CSMD2: variants seen among roughly 807,000 people sequenced by gnomAD.
The protein encoded by CSMD2 is CUB and Sushi multiple domains 2.
Under a neutral mutation model 398.5 loss-of-function variants are expected in CSMD2, and 130 were observed. The ratio of observed to expected loss-of-function variants is 0.33; its 90% CI spans 0.28 to 0.38. The LOEUF is 0.38. CSMD2 is among the 10% of genes least tolerant of loss of function. The pLI, the probability that CSMD2 is intolerant of heterozygous loss-of-function variation, is 1.00. For missense variants in CSMD2, 3,829 were observed against 4,764.9 expected, an observed-to-expected ratio of 0.80 and a Z score of 5.78; for synonymous variants, 1,828 against 1,908.5, an observed-to-expected ratio of 0.96 and a Z score of 1.10.
intron 3 of CSMD2, among the ~76,000 whole-genome samples, chr1:33,963,075 G>A (rs1216422577): frequency 6.6e-6 from 1 of 152,216 alleles, no homozygotes; most frequent in African/African-American, 2.4e-5. Context: ...AGATCTTGCT[G>A]TCAAAAGATT....
Position 34,165,145 on chromosome 1 carries a change from G to C in CSMD2, c.-48C>G. The C allele has an allele frequency of 8.3e-7, 1 of 1,208,006 alleles. No individual in the cohort carries two copies. The highest frequency in any genetic ancestry group is 4.2e-5 in the South Asian group (1 of 24,066). The allele number at this position is 1,208,006 out of a possible 1,614,324, so 74.8% of individuals were successfully genotyped here. A position where few individuals can be genotyped will look rare whatever the true frequency, so the allele number is the denominator to read the frequency against. Reference sequence around the variant, plus strand: ...GAGAGGCTCCGCTCGCCGCCGAGGAGAAAGGAGGTCAGGAGAGCTCTGGAG... The same window carrying C: ...GAGAGGCTCCGCTCGCCGCCGAGGACAAAGGAGGTCAGGAGAGCTCTGGAG... On this transcript the variant is annotated 5_prime_UTR_variant, in exon 1 of 71. Transcript: ENST00000373381.
chr1:34,013,739 G>C (rs1485783154), intron 3 of CSMD2, among the ~76,000 whole-genome samples: 8 of 152,170 alleles, frequency 5.3e-5, no homozygotes, highest in Admixed American at 3.3e-4. Flanking sequence ...ACAGGCAAAG[G>C]CAGCCTTGGG....
chr1:34,015,193 T>C (rs1290183161), intron 3 of CSMD2, among the ~76,000 whole-genome samples: 4 of 152,182 alleles, frequency 2.6e-5, no homozygotes, highest in African/African-American at 9.7e-5. Context: ...CTGCTGAAAA[T>C]TCTTTTCCTT....
chr1:34,106,760 C>A (rs1660566486), intron 1 of CSMD2, among the ~76,000 whole-genome samples: 1 of 152,192 alleles, frequency 6.6e-6, no homozygotes, highest in South Asian at 2.1e-4. Flanking sequence ...CAATGCATGG[C>A]AGGTGGGGTG....
At chr1:33,768,883 C>T (rs1650901243) in intron 13 of CSMD2, among the ~76,000 whole-genome samples, 1 of 152,196 alleles carries the variant, frequency 6.6e-6, no homozygotes, top group Non-Finnish European at 1.5e-5. Flanking sequence ...ATACTATACA[C>T]ATTAAGAACT....
chr1:33,608,143 C>T (rs1289792224), intron 41 of CSMD2, among the ~76,000 whole-genome samples: 2 of 151,412 alleles, frequency 1.3e-5, no homozygotes, highest in Non-Finnish European at 2.9e-5. Flanking sequence ...GCTGGGGAAT[C>T]AGGGGCGAGT....
In CSMD2 at chr1:33,658,139, T is replaced by C. The variant is rs1267198606; in HGVS notation, c.4256-2A>G. 6.2e-7 allele frequency: 1 copy of C among 1,611,766 alleles called. No individual in the cohort carries two copies. The highest frequency in any genetic ancestry group is 8.5e-7 in the Non-Finnish European group (1 of 1,178,090). ...CATTGCAGGACGTTGCTGTGGACACTGGGGCAAGGAAATAGAAGAGAGGGT... is the reference window on the plus strand; with the variant it reads ...CATTGCAGGACGTTGCTGTGGACACCGGGGCAAGGAAATAGAAGAGAGGGT... On this transcript the variant is annotated splice_acceptor_variant, in intron 26 of 70. Transcript: ENST00000373381. LOFTEE classifies it high-confidence loss of function.
At chr1:33,729,880 G>A (rs1410541999) in intron 15 of CSMD2, among the ~76,000 whole-genome samples, 1 of 152,176 alleles carries the variant, frequency 6.6e-6, no homozygotes, top group Non-Finnish European at 1.5e-5. Context: ...TACAACTGCT[G>A]TGCAGAGGAA....
chr1:34,070,668 A>C (rs1230894555), intron 2 of CSMD2, among the ~76,000 whole-genome samples: 1 of 152,218 alleles, frequency 6.6e-6, no homozygotes, highest in African/African-American at 2.4e-5. Context: ...CTCTGTCTGC[A>C]AGAACTCTTT....
At chr1:33,585,449 T>C (rs1639019262) in intron 46 of CSMD2, among the ~76,000 whole-genome samples, 1 of 152,162 alleles carries the variant, frequency 6.6e-6, no homozygotes, top group Non-Finnish European at 1.5e-5. Flanking sequence ...ACAGGACGCA[T>C]CCAGGATTCT....
intron 5 of CSMD2, among the ~76,000 whole-genome samples, chr1:33,872,328 C>T (rs902915446): frequency 1.3e-5 from 2 of 152,018 alleles, no homozygotes; most frequent in Non-Finnish European, 2.9e-5. Context: ...TCTCCCAAGT[C>T]AGCAAAAGGT....
chr1:33,949,955 C>T (rs1161295326), intron 3 of CSMD2, among the ~76,000 whole-genome samples: 2 of 152,186 alleles, frequency 1.3e-5, no homozygotes, highest in African/African-American at 4.8e-5. Context: ...TTGCCCCAAA[C>T]CCATCTCTCC....
intron 5 of CSMD2, among the ~76,000 whole-genome samples, chr1:33,886,431 G>A (rs1410084014): frequency 1.3e-5 from 2 of 152,164 alleles, no homozygotes; most frequent in Non-Finnish European, 2.9e-5. Flanking sequence ...GCAGGACTTG[G>A]CAACCAAGAG....
At chr1:33,914,356 G>A (rs185550977) in intron 5 of CSMD2, among the ~76,000 whole-genome samples, 39 of 151,952 alleles carry the variant, frequency 2.6e-4, no homozygotes, top group Non-Finnish European at 4.4e-4. Context: ...GCAGTGACTT[G>A]GAAAGGTATG....
chr1:33,542,701 G>T lies in CSMD2; in HGVS notation c.9277+19C>A, dbSNP rs372894611. ...TGGGCCACTGTTGGCCATGGAACCC[G>T]TAGGGCCTGAGCTCTCACCGAGGCA... On this transcript the variant is annotated intron_variant, in intron 58 of 70. Transcript: ENST00000373381. 4.4e-6 allele frequency: 7 copies of T among 1,606,180 alleles called. No homozygotes were observed. The South Asian group carries it at 7.8e-5, about 18-fold the overall frequency.
chr1:34,082,757 C>CTA (rs1238752147), intron 2 of CSMD2, among the ~76,000 whole-genome samples: 6 of 152,174 alleles, frequency 3.9e-5, no homozygotes, highest in East Asian at 3.8e-4. Context: ...TGCTGTTAAT[C>CTA]TATAACCTTA....
intron 29 of CSMD2, 102 bp downstream of exon 29, chr1:33,646,546 G>C (rs982389239): frequency 1.6e-6 from 2 of 1,270,410 alleles, no homozygotes; most frequent in Non-Finnish European, 2.2e-6. Context: ...GTGTGGGCTT[G>C]CTGTGGTCCA....
At chr1:33,810,937 AC>A in intron 9 of CSMD2, 73 bp from the exon 10 acceptor site, 1 of 1,534,740 alleles carries the variant, frequency 6.5e-7, no homozygotes, top group Non-Finnish European at 8.9e-7. Context: ...CCCACTCCCC[AC>A]CCAGAAGACA....
intron 23 of CSMD2, 113 bp from the exon 24 acceptor site, chr1:33,699,057 G>C: frequency 1.3e-6 from 1 of 781,160 alleles, no homozygotes; most frequent in Non-Finnish European, 2.0e-6. Flanking sequence ...CACGGACCCT[G>C]GGTTCTGATG....
Sources: gnomAD v4.1 joint callset for allele counts (sites outside exome capture counted in the v4.1 genomes callset) on GRCh38, gnomAD v4.1.1 for gene constraint, MANE v1.5 for transcripts, NCBI Gene and HGNC (gene_info 2026-07-23, HGNC 2026-07-21) for gene names.